SLC25A13: variants seen among roughly 807,000 people sequenced by gnomAD.
The protein encoded by SLC25A13 is solute carrier family 25 member 13, also known as electrogenic aspartate/glutamate antiporter SLC25A13, mitochondrial.
A neutral mutation model predicts 85.5 loss-of-function variants in SLC25A13; 70 were observed. That is an observed-to-expected ratio of 0.82 (90% CI 0.68 to 1.00). The LOEUF (loss-of-function observed/expected upper bound fraction) is 1.00, where lower values mean the gene tolerates loss of function less well. Ranked by LOEUF, SLC25A13 falls within the 50% of genes least tolerant of loss-of-function variation. The pLI, the probability that SLC25A13 is intolerant of heterozygous loss-of-function variation, is 0.00. For synonymous variants in SLC25A13, 259 were observed against 288.7 expected (o/e 0.90, Z 1.04); for missense variants, 765 against 819.8 (o/e 0.93, Z 0.82).
chr7:96,188,439 T>C lies in SLC25A13; in HGVS notation c.933+855A>G, dbSNP rs567103689. ...TAAAAGTGTAGCCTGCAGCAACCCA[T>C]TGTGGTCACACTGGCGTCTCTGTAC... On this transcript the variant is annotated intron_variant, in intron 9 of 17. Transcript: ENST00000265631. Among the ~76,000 whole-genome samples, 268 of 152,328 alleles carry C rather than the reference T, an allele frequency of 1.8e-3. 3 individuals are homozygous for C. Among genetic ancestry groups the C allele is most frequent in the African/African-American group, 6.1e-3 (254 of 41,568 alleles).
At chr7:96,230,490 T>C (rs1217727811) in intron 4 of SLC25A13, among the ~76,000 whole-genome samples, 1 of 152,220 alleles carries the variant, frequency 6.6e-6, no homozygotes, top group Non-Finnish European at 1.5e-5. Context: ...CTTTAAAAAA[T>C]CACTGTCACA....
At chr7:96,249,063 C>T (rs76156001) in intron 3 of SLC25A13, among the ~76,000 whole-genome samples, 6,545 of 152,248 alleles carry the variant, frequency 0.043, 176 homozygotes, top group Non-Finnish European at 0.067. Context: ...CTCAGCTGCT[C>T]GGAAGGCTAA....
Position 96,121,332 on chromosome 7 carries a change from C to T in SLC25A13, c.1887G>A (p.Leu629=). The T allele has an allele frequency of 6.2e-7, 1 of 1,614,158 alleles. No homozygotes were observed. The highest frequency in any genetic ancestry group is 8.5e-7 in the Non-Finnish European group (1 of 1,180,012). Residue 629 remains leucine (L), a synonymous_variant, in exon 18 of 18, where the codon CTG becomes CTA. Transcript: ENST00000265631. ...CAACGTGATCAGGATTCGGGGCAGG[C>T]AGGTTGATCCTGGATTTAGGAACTG... ...SEPVPKSRIN[L]PAPNPDHVGG... is the part of the protein sequence containing the mutation.
chr7:96,265,493 G>A (rs553196354), intron 3 of SLC25A13, among the ~76,000 whole-genome samples: 1 of 152,250 alleles, frequency 6.6e-6, no homozygotes, highest in African/African-American at 2.4e-5. Flanking sequence ...CAAAACAACT[G>A]CTCAAGTACT....
Position 96,234,797 on chromosome 7 carries a change from C to T in SLC25A13, c.328+5G>A. The T allele has an allele frequency of 6.2e-7, 1 of 1,609,404 alleles. No individual in the cohort carries two copies. The highest frequency in any genetic ancestry group is 8.5e-7 in the Non-Finnish European group (1 of 1,176,600). On this transcript the variant is annotated splice_donor_5th_base_variant and intron_variant, in intron 4 of 17. Transcript: ENST00000265631. ...CACAGACGTGCACAGAAGCATGCTT[C>T]TTACCAAAAGTTACTTCTCCTTTGC...
chr7:96,227,375 G>A (rs558987915), intron 4 of SLC25A13, among the ~76,000 whole-genome samples: 3 of 152,146 alleles, frequency 2.0e-5, no homozygotes, highest in South Asian at 4.2e-4. Flanking sequence ...TATACATATA[G>A]ATATTATACA....
chr7:96,270,014 A>C (rs561912811), intron 3 of SLC25A13, among the ~76,000 whole-genome samples: 2 of 152,282 alleles, frequency 1.3e-5, no homozygotes, highest in East Asian at 3.9e-4. Flanking sequence ...CAACAATATA[A>C]AATTTTAGTT....
At chr7:96,158,224 G>T (rs1180719531) in intron 13 of SLC25A13, among the ~76,000 whole-genome samples, 1 of 152,110 alleles carries the variant, frequency 6.6e-6, no homozygotes, top group African/African-American at 2.4e-5. Flanking sequence ...CAAGTCAAAA[G>T]AACTCATTAG....
intron 15 of SLC25A13, among the ~76,000 whole-genome samples, chr7:96,128,979 T>TCTCTCTCTCTCC (rs1286899603): frequency 1.0e-4 from 15 of 149,854 alleles, no homozygotes; most frequent in African/African-American, 3.5e-4. Context: ...TCTCTCTCTC[T>TCTCTCTCTCTCC]CTCAGACTTT....
At chr7:96,218,231 T>A (rs1208169367) in intron 4 of SLC25A13, among the ~76,000 whole-genome samples, 2 of 152,186 alleles carry the variant, frequency 1.3e-5, no homozygotes, top group Non-Finnish European at 2.9e-5. Flanking sequence ...AGCAATAATT[T>A]TCCTCAAATA....
chr7:96,203,137 C>T (rs1019962626), intron 5 of SLC25A13, among the ~76,000 whole-genome samples: 2 of 152,158 alleles, frequency 1.3e-5, no homozygotes, highest in South Asian at 2.1e-4. Context: ...AGGTTTGCCT[C>T]GACAGACTTC....
intron 4 of SLC25A13, among the ~76,000 whole-genome samples, chr7:96,232,214 A>G (rs781744999): frequency 5.3e-5 from 8 of 152,234 alleles, no homozygotes; most frequent in Non-Finnish European, 1.2e-4. Context: ...CTGGATAAAG[A>G]AAATGTGGTA....
intron 13 of SLC25A13, among the ~76,000 whole-genome samples, chr7:96,148,868 A>G (rs958016410): frequency 6.6e-6 from 1 of 152,208 alleles, no homozygotes; most frequent in Non-Finnish European, 1.5e-5. Context: ...TTGTCAAACC[A>G]TCTCACTTAC....
intron 2 of SLC25A13, among the ~76,000 whole-genome samples, chr7:96,286,559 C>A (rs748272685): frequency 7.9e-4 from 120 of 152,296 alleles, no homozygotes; most frequent in Non-Finnish European, 1.5e-3. Flanking sequence ...TAATGACTCT[C>A]CATAGAAAGA....
At chr7:96,183,199 C>G (rs1794486646) in intron 11 of SLC25A13, among the ~76,000 whole-genome samples, 1 of 152,146 alleles carries the variant, frequency 6.6e-6, no homozygotes, top group Admixed American at 6.5e-5. Flanking sequence ...TGGGGGCTAC[C>G]TACCTACACA....
chr7:96,221,183 A>G (rs1796115360), intron 4 of SLC25A13, among the ~76,000 whole-genome samples: 1 of 152,184 alleles, frequency 6.6e-6, no homozygotes, highest in African/African-American at 2.4e-5. Flanking sequence ...TTTTGACCCA[A>G]TGAACTGGAA....
intron 2 of SLC25A13, among the ~76,000 whole-genome samples, chr7:96,292,182 A>C (rs1318547115): frequency 6.6e-6 from 1 of 152,240 alleles, no homozygotes; most frequent in Non-Finnish European, 1.5e-5. Flanking sequence ...CAAAAACCAC[A>C]TTATTATCTC....
chr7:96,212,974 A>T (rs1261652597), intron 4 of SLC25A13, among the ~76,000 whole-genome samples: 1 of 152,252 alleles, frequency 6.6e-6, no homozygotes, highest in East Asian at 1.9e-4. Context: ...GCCAAATGAT[A>T]TGCAAAAGAT....
intron 3 of SLC25A13, among the ~76,000 whole-genome samples, chr7:96,274,255 C>A (rs957625918): frequency 1.3e-5 from 2 of 151,520 alleles, no homozygotes; most frequent in African/African-American, 2.4e-5. Context: ...TCTCTGATGG[C>A]CAGTGATGAT....
Sources: allele counts gnomAD v4.1 joint callset (sites outside exome capture counted in the v4.1 genomes callset), GRCh38; gene constraint gnomAD v4.1.1; transcripts MANE v1.5; gene names NCBI Gene and HGNC (gene_info 2026-07-23, HGNC 2026-07-21).